Variants in BBS9 observed in about 807,000 individuals in gnomAD.
The protein encoded by BBS9 is Bardet-Biedl syndrome 9.
A neutral mutation model predicts 117.7 loss-of-function variants in BBS9; 89 were observed. That is an observed-to-expected ratio of 0.76 (90% confidence interval 0.64 to 0.90). The LOEUF (loss-of-function observed/expected upper bound fraction) is 0.90, where lower values mean the gene tolerates loss of function less well. Among genes scored for constraint, BBS9 ranks in the 40% least tolerant of loss-of-function variants. The probability of loss-of-function intolerance (pLI) is 0.00; values close to 1 mark genes in which losing one functional copy is unlikely to be tolerated. For synonymous variants in BBS9, 379 were observed against 370.9 expected, an observed-to-expected ratio of 1.02 and a Z score of -0.25; for missense variants, 982 against 1,042.2, an observed-to-expected ratio of 0.94 and a Z score of 0.80.
downstream of BBS9, among the ~76,000 whole-genome samples, chr7:33,610,526 G>A (rs1864803181): frequency 6.6e-6 from 1 of 151,994 alleles, no homozygotes; most frequent in Non-Finnish European, 1.5e-5. Context: ...AGAGAAAGAG[G>A]GAGTAGGGGG....
downstream of BBS9, among the ~76,000 whole-genome samples, chr7:33,608,764 T>C (rs187618402): frequency 7.2e-5 from 11 of 152,266 alleles, no homozygotes; most frequent in African/African-American, 2.2e-4. Flanking sequence ...ATTAGACCTT[T>C]GTTGGGTGCA....
rs765846163 is a variant in BBS9 at position 33,351,266 on chromosome 7, A to G, written c.1480A>G (p.Ser494Gly). The G allele has an allele frequency of 6.2e-7, 1 of 1,613,412 alleles. No homozygotes were observed. Among genetic ancestry groups the G allele is most frequent in the Non-Finnish European group, 8.5e-7 (1 of 1,179,404 alleles). Residue 494 changes from serine to glycine, a missense_variant, in exon 14 of 23, where the codon AGT becomes GGT. Ser to Gly is a moderately conservative substitution (Grantham distance 56). Coordinates refer to ENST00000242067, the MANE Select transcript of BBS9 (RefSeq NM_198428.3). ...AAGCTTTTCTGTTTATCTGAAAAGA[A>G]GTTATACACCATCAGAATTGGAAGG... Reference protein sequence around the residue: ...TVSFSVYLKRSYTPSELEGNA... With the variant: ...TVSFSVYLKRGYTPSELEGNA...
At chr7:33,616,868 C>T (rs1180827984) in intron 21 of BBS9, among the ~76,000 whole-genome samples, 1 of 151,944 alleles carries the variant, frequency 6.6e-6, no homozygotes, top group Non-Finnish European at 1.5e-5. Context: ...TCCCAACCTT[C>T]CACCTTTTGG....
intron 21 of BBS9, among the ~76,000 whole-genome samples, chr7:33,571,891 T>C (rs1029565500): frequency 6.6e-6 from 1 of 152,068 alleles, no homozygotes; most frequent in African/African-American, 2.4e-5. Context: ...ATTAGGGTAA[T>C]TGGAACATCA....
At chr7:33,510,817 C>T (rs1846840617) in intron 20 of BBS9, among the ~76,000 whole-genome samples, 3 of 152,226 alleles carry the variant, frequency 2.0e-5, no homozygotes, top group African/African-American at 4.8e-5. Flanking sequence ...ATAGCACTAT[C>T]AGTCGTCAAG....
intron 1 of BBS9, among the ~76,000 whole-genome samples, chr7:33,135,400 T>C (rs1014195809): frequency 2.6e-5 from 4 of 152,264 alleles, no homozygotes; most frequent in Non-Finnish European, 5.9e-5. Flanking sequence ...TTCATTCTTC[T>C]GCATGTCACT....
At chr7:33,528,332 T>C (rs567114178) in intron 20 of BBS9, among the ~76,000 whole-genome samples, 15 of 152,186 alleles carry the variant, frequency 9.9e-5, no homozygotes, top group African/African-American at 2.9e-4. Flanking sequence ...TCGTGGTTTT[T>C]TGTTTGTTTG....
intron 19 of BBS9, among the ~76,000 whole-genome samples, chr7:33,426,482 T>G (rs889807446): frequency 1.7e-4 from 26 of 152,128 alleles, no homozygotes; most frequent in African/African-American, 6.3e-4. Context: ...GAGAGAATGA[T>G]GGTGTTGGGC....
intron 21 of BBS9, among the ~76,000 whole-genome samples, chr7:33,538,677 A>C (rs1851824815): frequency 6.6e-6 from 1 of 152,030 alleles, no homozygotes; most frequent in Non-Finnish European, 1.5e-5. Context: ...TATAAGTTTG[A>C]AGTCATTCTT....
intron 6 of BBS9, among the ~76,000 whole-genome samples, chr7:33,260,592 C>T (rs931976437): frequency 1.3e-5 from 2 of 152,190 alleles, no homozygotes; most frequent in African/African-American, 2.4e-5. Context: ...TTTATTCAGT[C>T]ATTCATTCAG....
intron 5 of BBS9, among the ~76,000 whole-genome samples, chr7:33,208,201 A>AT (rs1209679369): frequency 5.9e-5 from 9 of 152,300 alleles, no homozygotes; most frequent in African/African-American, 2.2e-4. Context: ...CCTATTCAGT[A>AT]TTTATATGTT....
chr7:33,312,980 A>G (rs955889757), intron 9 of BBS9, among the ~76,000 whole-genome samples: 21 of 151,928 alleles, frequency 1.4e-4, no homozygotes, highest in Admixed American at 4.6e-4. Context: ...TGTATTTTTT[A>G]AATGAGTGGT....
At position 33,427,253 on chromosome 7, in the gene BBS9, G is replaced by A. The variant is rs187651268; in HGVS notation, c.2115+39109G>A. Among the ~76,000 whole-genome samples the A allele has an allele frequency of 3.8e-4, 58 of 152,240 alleles. 1 individual carries two copies. In the East Asian group the frequency reaches 0.01, roughly 27 times the overall value. The stretch of plus-strand genomic sequence containing the variant: ...AGTCTTGAATCTTTTGCAAGCATCC[G>A]TGAAACCATGGCAGATAAACTTGTT... On this transcript the variant is annotated intron_variant, in intron 19 of 22. Transcript: ENST00000242067.
intron 9 of BBS9, among the ~76,000 whole-genome samples, chr7:33,312,152 C>G (rs562762440): frequency 6.6e-6 from 1 of 152,160 alleles, no homozygotes; most frequent in African/African-American, 2.4e-5. Context: ...TTACATTCTA[C>G]TTGTTTTTCA....
intron 19 of BBS9, among the ~76,000 whole-genome samples, chr7:33,490,496 A>ACC (rs1251958771): frequency 7.2e-5 from 11 of 152,148 alleles, no homozygotes; most frequent in Non-Finnish European, 8.8e-5. Context: ...TCTTTTGGCT[A>ACC]GTTTTATAGT....
At chr7:33,145,759 C>G (rs1281907473) in intron 1 of BBS9, among the ~76,000 whole-genome samples, 1 of 152,138 alleles carries the variant, frequency 6.6e-6, no homozygotes, top group East Asian at 1.9e-4. Context: ...TATACTAGGT[C>G]ATTATATATA....
intron 21 of BBS9, among the ~76,000 whole-genome samples, chr7:33,627,206 A>G (rs1419107823): frequency 3.3e-5 from 5 of 152,226 alleles, no homozygotes; most frequent in African/African-American, 9.6e-5. Flanking sequence ...AGGGTCCCAG[A>G]TACATCTAGG....
intron 9 of BBS9, among the ~76,000 whole-genome samples, chr7:33,306,427 A>G (rs1807982485): frequency 6.6e-6 from 1 of 152,122 alleles, no homozygotes; most frequent in South Asian, 2.1e-4. Context: ...CCTGTTACTC[A>G]GGACAAGAAC....
chr7:33,611,176 G>T (rs528874124), intron 21 of BBS9, among the ~76,000 whole-genome samples: 1 of 151,872 alleles, frequency 6.6e-6, no homozygotes, highest in African/African-American at 2.4e-5. Flanking sequence ...TGTTTATTCC[G>T]TCTGGTACCA....
Sources: gnomAD v4.1 joint callset for allele counts (sites outside exome capture counted in the v4.1 genomes callset) on GRCh38, gnomAD v4.1.1 for gene constraint, MANE v1.5 for transcripts, NCBI Gene and HGNC (gene_info 2026-07-23, HGNC 2026-07-21) for gene names.